Variants in PHTF2 observed in about 807,000 individuals in gnomAD.
PHTF2 encodes the protein putative homeodomain transcription factor 2.
A neutral mutation model predicts 101.2 loss-of-function variants in PHTF2; 60 were observed. That is an observed-to-expected ratio of 0.59 (90% CI 0.48 to 0.73). PHTF2 has a LOEUF of 0.73. Among genes scored for constraint, PHTF2 ranks in the 30% least tolerant of loss-of-function variants. The pLI is 0.00. For missense variants in PHTF2, 747 were observed against 908.7 expected (o/e 0.82, Z 2.29); for synonymous variants, 311 against 307.3 (o/e 1.01, Z -0.13).
At chr7:77,939,139 C>T (rs766379809) in intron 13 of PHTF2, among the ~76,000 whole-genome samples, 40 of 152,122 alleles carry the variant, frequency 2.6e-4, no homozygotes, top group Non-Finnish European at 5.3e-4. Context: ...TTAGTTCTGC[C>T]AGTCTAGCAT....
At chr7:77,957,268 G>T in exon 20 of PHTF2, 1 of 151,536 alleles carries the variant, frequency 6.6e-6, no homozygotes, top group African/African-American at 2.4e-5. Flanking sequence ...ACATTTCTAT[G>T]GTAATTTTGT....
At chr7:77,921,150 A>T (rs914226859) in intron 10 of PHTF2, among the ~76,000 whole-genome samples, 2 of 152,206 alleles carry the variant, frequency 1.3e-5, no homozygotes, top group East Asian at 3.8e-4. Context: ...CTATAAGAAG[A>T]TATCTTGTTT....
chr7:77,902,832 A>T (rs13247551), intron 7 of PHTF2, among the ~76,000 whole-genome samples: 2 of 152,008 alleles, frequency 1.3e-5, no homozygotes, highest in Non-Finnish European at 2.9e-5. Context: ...GCAGACTGTT[A>T]TTTAGATAAA....
intron 7 of PHTF2, chr7:77,907,898 C>T (rs937084152): frequency 6.6e-6 from 1 of 152,198 alleles, no homozygotes; most frequent in African/African-American, 2.4e-5. Flanking sequence ...TTGAGAGGCT[C>T]GGATAATATC....
chr7:77,827,878 A>G (rs918758143), intron 1 of PHTF2, among the ~76,000 whole-genome samples: 2 of 151,052 alleles, frequency 1.3e-5, no homozygotes, highest in East Asian at 3.9e-4. Context: ...TCCTGACCTT[A>G]AGTGATCCAC....
Position 77,911,552 on chromosome 7 carries a change from T to C in PHTF2, c.776+1143T>C, listed in dbSNP as rs981000915. Among the ~76,000 whole-genome samples the C allele has an allele frequency of 3.0e-4, 45 of 152,328 alleles. 1 individual carries two copies. Among genetic ancestry groups the C allele is most frequent in the Admixed American group, 2.9e-3 (45 of 15,298 alleles). Reference sequence around the variant, plus strand: ...GGTACTTAATCAAGAAAAGGGATATTGCAAATAACTATTCTGTCACTTTGT... The same window carrying C: ...GGTACTTAATCAAGAAAAGGGATATCGCAAATAACTATTCTGTCACTTTGT... On this transcript the variant is annotated intron_variant, in intron 9 of 19. Transcript: ENST00000416283.
chr7:77,892,842 G>T (rs1450951806), intron 3 of PHTF2, among the ~76,000 whole-genome samples: 1 of 152,192 alleles, frequency 6.6e-6, no homozygotes, highest in Non-Finnish European at 1.5e-5. Flanking sequence ...TTATTTTCCT[G>T]TGTCTTCAAT....
At chr7:77,807,319 A>G (rs1793069679) in intron 1 of PHTF2, among the ~76,000 whole-genome samples, 1 of 152,006 alleles carries the variant, frequency 6.6e-6, no homozygotes, top group Admixed American at 6.6e-5. Context: ...CAGTTGCACC[A>G]ACAGTGCACA....
chr7:77,911,464 C>A (rs1478505228), intron 9 of PHTF2, among the ~76,000 whole-genome samples: 3 of 151,306 alleles, frequency 2.0e-5, no homozygotes, highest in African/African-American at 7.3e-5. Context: ...TTTATATATA[C>A]CTATAATAAA....
intron 13 of PHTF2, among the ~76,000 whole-genome samples, chr7:77,939,192 T>A (rs906758408): frequency 1.2e-4 from 18 of 152,222 alleles, no homozygotes; most frequent in Non-Finnish European, 2.2e-4. Flanking sequence ...TTTCCTTTTT[T>A]AAAATAATTC....
intron 3 of PHTF2, among the ~76,000 whole-genome samples, chr7:77,876,671 T>A (rs2150735342): frequency 6.6e-6 from 1 of 152,208 alleles, no homozygotes; most frequent in South Asian, 2.1e-4. Flanking sequence ...AGAGGAAGGA[T>A]CACTTGCGCC....
rs10687152 is a variant in PHTF2 at position 77,897,293 on chromosome 7, AT to A, written c.216+3318del. 3.3e-3 allele frequency among the ~76,000 whole-genome samples: 441 copies of A among 133,660 alleles called. 3 individuals carry two copies. The highest frequency in any genetic ancestry group is 0.015 in the Admixed American group (195 of 13,270). The allele number at this position is 133,660 out of a possible 152,430, so 87.7% of individuals were successfully genotyped here. On this transcript the variant is annotated intron_variant, in intron 5 of 19. Transcript: ENST00000416283. ...TTTCTAAACTTAAACAGCCCATTTCATTTTTTTTTTTTTTTTTTGGCCCAAC... is the reference window on the plus strand; with the variant it reads ...TTTCTAAACTTAAACAGCCCATTTCATTTTTTTTTTTTTTTTTGGCCCAAC...
intron 1 of PHTF2, among the ~76,000 whole-genome samples, chr7:77,812,712 C>A (rs1346655282): frequency 6.6e-6 from 1 of 152,084 alleles, no homozygotes; most frequent in Non-Finnish European, 1.5e-5. Context: ...GCCTCAGCCT[C>A]CCAAGTAGCT....
intron 3 of PHTF2, among the ~76,000 whole-genome samples, chr7:77,870,248 T>C (rs111618035): frequency 1.1e-5 from 1 of 86,972 alleles, no homozygotes; most frequent in South Asian, 2.6e-4. Context: ...ATCCATTTTG[T>C]TTTTTTTTTT....
intron 3 of PHTF2, among the ~76,000 whole-genome samples, chr7:77,873,072 G>C (rs574500402): frequency 3.3e-5 from 5 of 152,280 alleles, no homozygotes; most frequent in South Asian, 2.1e-4. Context: ...GGGATTACAG[G>C]CATGTGCCAC....
intron 1 of PHTF2, among the ~76,000 whole-genome samples, chr7:77,816,637 C>G (rs797017446): frequency 2.0e-5 from 3 of 152,236 alleles, no homozygotes; most frequent in African/African-American, 7.2e-5. Flanking sequence ...CTATAGTCAT[C>G]CAACAGTGGT....
At chr7:77,799,454 GC>G (rs1184539416) in intron 1 of PHTF2, among the ~76,000 whole-genome samples, 7 of 152,198 alleles carry the variant, frequency 4.6e-5, no homozygotes, top group African/African-American at 1.4e-4. Flanking sequence ...CGGCTCGCGC[GC>G]TGGAGGAGGT....
At chr7:77,896,345 C>T (rs1463364728) in intron 5 of PHTF2, among the ~76,000 whole-genome samples, 1 of 152,062 alleles carries the variant, frequency 6.6e-6, no homozygotes, top group Admixed American at 6.6e-5. Context: ...TTGCTTTAGT[C>T]CAGGAGTTAA....
intron 7 of PHTF2, among the ~76,000 whole-genome samples, chr7:77,902,189 A>G (rs984367812): frequency 1.3e-5 from 2 of 152,214 alleles, no homozygotes; most frequent in African/African-American, 4.8e-5. Context: ...CCTCATCAAA[A>G]TGCATCTTCC....
Sources: allele counts gnomAD v4.1 joint callset (sites outside exome capture counted in the v4.1 genomes callset), GRCh38; gene constraint gnomAD v4.1.1; transcripts MANE v1.5; gene names NCBI Gene and HGNC (gene_info 2026-07-23, HGNC 2026-07-21).